AP3B1: variants seen among roughly 807,000 people sequenced by gnomAD.
AP3B1 encodes the protein adaptor related protein complex 3 subunit beta 1.
Under a neutral mutation model 132.5 loss-of-function variants are expected in AP3B1, and 61 were observed. The ratio of observed to expected loss-of-function variants is 0.46; its 90% CI spans 0.37 to 0.57. AP3B1 has a LOEUF of 0.57. Among genes scored for constraint, AP3B1 ranks in the 20% least tolerant of loss-of-function variants. The probability of loss-of-function intolerance (pLI) is 0.00; values close to 1 mark genes in which losing one functional copy is unlikely to be tolerated. For synonymous variants in AP3B1, 388 were observed against 438.3 expected (o/e 0.89, Z 1.43); for missense variants, 1,120 against 1,289.4 (o/e 0.87, Z 2.01).
At chr5:78,231,398 A>C (rs9293734) in intron 3 of AP3B1, among the ~76,000 whole-genome samples, 3 of 151,636 alleles carry the variant, frequency 2.0e-5, no homozygotes, top group African/African-American at 4.8e-5. Context: ...GGTCTTGAAC[A>C]CCTGACCTCA....
At chr5:78,036,236 T>C (rs1747802852) in intron 23 of AP3B1, among the ~76,000 whole-genome samples, 1 of 152,162 alleles carries the variant, frequency 6.6e-6, no homozygotes. Flanking sequence ...TTTTATTATA[T>C]GGATGCTTCA....
intron 14 of AP3B1, among the ~76,000 whole-genome samples, chr5:78,148,111 T>C (rs1753493987): frequency 6.6e-6 from 1 of 151,896 alleles, no homozygotes; most frequent in Non-Finnish European, 1.5e-5. Context: ...TCCCTGGACA[T>C]GAATATACTC....
chr5:78,123,122 G>C (rs1464390945), intron 17 of AP3B1, among the ~76,000 whole-genome samples: 1 of 152,226 alleles, frequency 6.6e-6, no homozygotes, highest in African/African-American at 2.4e-5. Flanking sequence ...AATAAATGGT[G>C]CTGGGAAAAC....
At chr5:78,207,815 G>C (rs79334752) in intron 7 of AP3B1, among the ~76,000 whole-genome samples, 3,788 of 152,194 alleles carry the variant, frequency 0.025, 182 homozygotes, top group African/African-American at 0.084. Context: ...TGTCTACAGA[G>C]TTCTCAAAAG....
intron 7 of AP3B1, among the ~76,000 whole-genome samples, chr5:78,196,940 T>C (rs1745098146): frequency 6.6e-6 from 1 of 152,200 alleles, no homozygotes; most frequent in South Asian, 2.1e-4. Context: ...TAAAACACAA[T>C]GGTGTATTCA....
chr5:78,197,223 A>C (rs1745109799), intron 7 of AP3B1, among the ~76,000 whole-genome samples: 1 of 152,030 alleles, frequency 6.6e-6, no homozygotes, highest in Non-Finnish European at 1.5e-5. Context: ...ATATATCTGA[A>C]CCTATCTTAT....
At chr5:78,142,382 G>GT (rs1012318782) in intron 14 of AP3B1, among the ~76,000 whole-genome samples, 1 of 152,148 alleles carries the variant, frequency 6.6e-6, no homozygotes, top group African/African-American at 2.4e-5. Context: ...CAGAAAATTT[G>GT]TTTTTTATAA....
At position 78,002,743 on chromosome 5, in the gene AP3B1, G is replaced by C; in HGVS notation, c.*159C>G. 1 of 845,354 alleles carries C rather than the reference G, an allele frequency of 1.2e-6. No homozygotes were observed. The highest frequency in any genetic ancestry group is 2.0e-6 in the Non-Finnish European group (1 of 499,732). The allele number at this position is 845,354 out of a possible 1,614,324, so 52.4% of individuals were successfully genotyped here. A position where few individuals can be genotyped will look rare whatever the true frequency, so the allele number is the denominator to read the frequency against. ...GGGGGAAAGTATTGCATACATGATA[G>C]ATACACACTAGCATTCTAAAGCAGG... On this transcript the variant is annotated 3_prime_UTR_variant, in exon 27 of 27. Coordinates refer to ENST00000255194, the MANE Select transcript of AP3B1 (RefSeq NM_003664.5).
intron 25 of AP3B1, among the ~76,000 whole-genome samples, chr5:78,016,285 A>G (rs959825838): frequency 3.3e-5 from 5 of 152,166 alleles, no homozygotes; most frequent in Non-Finnish European, 5.9e-5. Context: ...AGCATGAAAA[A>G]AACCATACAG....
At chr5:78,092,180 G>A (rs559287073) in intron 21 of AP3B1, among the ~76,000 whole-genome samples, 7 of 152,186 alleles carry the variant, frequency 4.6e-5, no homozygotes, top group South Asian at 2.1e-4. Flanking sequence ...CCCATGTAAC[G>A]AATAAAAAAC....
At chr5:78,123,633 C>A (rs1241444202) in intron 17 of AP3B1, among the ~76,000 whole-genome samples, 1 of 152,134 alleles carries the variant, frequency 6.6e-6, no homozygotes, top group Admixed American at 6.5e-5. Context: ...AAATGCAAAT[C>A]AAAACCACAA....
chr5:78,062,863 TGA>T (rs1234445617), intron 22 of AP3B1, among the ~76,000 whole-genome samples: 1 of 152,176 alleles, frequency 6.6e-6, no homozygotes, highest in African/African-American at 2.4e-5. Context: ...AGGTGCCGTA[TGA>T]GAGATGAGGC....
At chr5:78,181,939 T>C (rs1744390436) in intron 7 of AP3B1, among the ~76,000 whole-genome samples, 1 of 152,172 alleles carries the variant, frequency 6.6e-6, no homozygotes, top group Admixed American at 6.5e-5. Context: ...ATACCTATAG[T>C]CCTTCAAAAG....
At chr5:78,039,434 G>A (rs1027209354) in intron 22 of AP3B1, among the ~76,000 whole-genome samples, 160 bp from the exon 23 acceptor site, 3 of 152,130 alleles carry the variant, frequency 2.0e-5, no homozygotes, top group African/African-American at 7.2e-5. Flanking sequence ...ATAGATATTA[G>A]TCAGAAATGA....
chr5:78,079,898 T>C (rs1409690465), intron 22 of AP3B1, among the ~76,000 whole-genome samples: 2 of 152,242 alleles, frequency 1.3e-5, no homozygotes, highest in African/African-American at 4.8e-5. Context: ...TGTTCGCCAG[T>C]TGCAAGTATG....
At chr5:78,034,297 G>T in intron 24 of AP3B1, 64 bp downstream of exon 24, 2 of 1,253,468 alleles carry the variant, frequency 1.6e-6, no homozygotes, top group Non-Finnish European at 2.3e-6. Flanking sequence ...GCTGTTGAAA[G>T]CTTAGTTTTT....
chr5:78,110,470 C>G, intron 19 of AP3B1, 116 bp from the exon 20 acceptor site: 2 of 712,322 alleles, frequency 2.8e-6, no homozygotes, highest in Non-Finnish European at 2.3e-6. Flanking sequence ...AAAGGTATTA[C>G]CCATAACCAA....
chr5:78,113,702 C>A, intron 19 of AP3B1, 50 bp downstream of exon 19: 1 of 1,603,128 alleles, frequency 6.2e-7, no homozygotes, highest in Non-Finnish European at 8.5e-7. Context: ...CTGCCTGGGG[C>A]AAACTTTCAC....
chr5:78,293,835 G>C (rs764155417), intron 1 of AP3B1, among the ~76,000 whole-genome samples: 11 of 151,312 alleles, frequency 7.3e-5, no homozygotes, highest in Non-Finnish European at 1.6e-4. Flanking sequence ...TAAAAGTTTT[G>C]GATTTGTTCA....
Sources: gnomAD v4.1 joint callset for allele counts (sites outside exome capture counted in the v4.1 genomes callset) on GRCh38, gnomAD v4.1.1 for gene constraint, MANE v1.5 for transcripts, NCBI Gene and HGNC (gene_info 2026-07-23, HGNC 2026-07-21) for gene names.